Variants in RHOJ observed in about 807,000 individuals in gnomAD.
RHOJ encodes ras homolog family member J, also known as rho-related GTP-binding protein RhoJ.
A neutral mutation model predicts 23.4 loss-of-function variants in RHOJ; 11 were observed. The ratio of observed to expected loss-of-function variants is 0.47; its 90% CI spans 0.30 to 0.78. The LOEUF is 0.78. Ranked by LOEUF, RHOJ falls within the 30% of genes least tolerant of loss-of-function variation. The pLI is 0.08. For synonymous variants in RHOJ, 102 were observed against 102.7 expected, an observed-to-expected ratio of 0.99 and a Z score of 0.04; for missense variants, 254 against 273.4, an observed-to-expected ratio of 0.93 and a Z score of 0.50.
chr14:63,233,355 TATG>T (rs1182159992), intron 1 of RHOJ, among the ~76,000 whole-genome samples: 2 of 152,162 alleles, frequency 1.3e-5, no homozygotes, highest in Non-Finnish European at 2.9e-5. Context: ...TGAAATGTAT[TATG>T]GTGGTGGTTG....
At chr14:63,261,908 G>A (rs1008017624) in intron 1 of RHOJ, among the ~76,000 whole-genome samples, 7 of 151,956 alleles carry the variant, frequency 4.6e-5, no homozygotes, top group South Asian at 2.1e-4. Context: ...TATATTTCTC[G>A]CTATATCCAG....
At chr14:63,256,727 C>G (rs926420502) in intron 1 of RHOJ, among the ~76,000 whole-genome samples, 1 of 152,122 alleles carries the variant, frequency 6.6e-6, no homozygotes, top group African/African-American at 2.4e-5. Context: ...ATCACGAGGT[C>G]GGGAGTTTAA....
chr14:63,278,269 T>C (rs1881795909), intron 2 of RHOJ, among the ~76,000 whole-genome samples: 1 of 152,170 alleles, frequency 6.6e-6, no homozygotes, highest in African/African-American at 2.4e-5. Flanking sequence ...TGGCCACATA[T>C]ACTGAGTCCC....
At chr14:63,205,998 T>C (rs1420293180) in intron 1 of RHOJ, among the ~76,000 whole-genome samples, 2 of 152,234 alleles carry the variant, frequency 1.3e-5, no homozygotes, top group African/African-American at 2.4e-5. Context: ...ATCTGAGACC[T>C]TGTGAATGGA....
intron 1 of RHOJ, among the ~76,000 whole-genome samples, chr14:63,223,320 C>A (rs114846596): frequency 1.4e-3 from 207 of 152,320 alleles, no homozygotes; most frequent in African/African-American, 4.5e-3. Flanking sequence ...CCACCCTTGA[C>A]AGATGACTCT....
At chr14:63,271,736 A>G (rs1895474037) in intron 2 of RHOJ, among the ~76,000 whole-genome samples, 1 of 152,224 alleles carries the variant, frequency 6.6e-6, no homozygotes, top group Admixed American at 6.5e-5. Context: ...CTGGGATTAC[A>G]GGCACCTGCC....
At chr14:63,234,250 G>A (rs1230723158) in intron 1 of RHOJ, among the ~76,000 whole-genome samples, 2 of 152,116 alleles carry the variant, frequency 1.3e-5, no homozygotes, top group East Asian at 3.9e-4. Context: ...GCATACAGTG[G>A]GTCAAGCATA....
At chr14:63,270,379 C>A (rs1895446438) in intron 2 of RHOJ, among the ~76,000 whole-genome samples, 1 of 152,136 alleles carries the variant, frequency 6.6e-6, no homozygotes, top group South Asian at 2.1e-4. Flanking sequence ...AGACTCAAAG[C>A]TTCTAAGAGC....
chr14:63,282,299 CA>C (rs1881935958), intron 3 of RHOJ, among the ~76,000 whole-genome samples: 1 of 149,052 alleles, frequency 6.7e-6, no homozygotes, highest in Non-Finnish European at 1.5e-5. Context: ...CACACACACA[CA>C]CACACACACA....
At chr14:63,284,543 C>A (rs1190003081) in intron 4 of RHOJ, among the ~76,000 whole-genome samples, 1 of 152,208 alleles carries the variant, frequency 6.6e-6, no homozygotes, top group Non-Finnish European at 1.5e-5. Flanking sequence ...TGGACATCAC[C>A]ACTCGTGTAC....
intron 2 of RHOJ, among the ~76,000 whole-genome samples, chr14:63,275,935 A>C (rs1470056343): frequency 6.6e-6 from 1 of 152,060 alleles, no homozygotes; most frequent in Non-Finnish European, 1.5e-5. Context: ...ACTTTCTTTT[A>C]TTAATCCTGA....
intron 1 of RHOJ, among the ~76,000 whole-genome samples, chr14:63,265,683 C>A (rs1401788249): frequency 1.3e-5 from 2 of 152,162 alleles, no homozygotes; most frequent in Non-Finnish European, 2.9e-5. Context: ...GAACATGTCC[C>A]CAAGATGGTT....
rs552823756 is a variant in RHOJ at position 63,211,441 on chromosome 14, G to C, written c.178+6394G>C. Among the ~76,000 whole-genome samples, 19 of 152,070 alleles carry C rather than the reference G, an allele frequency of 1.2e-4. No individual in the cohort carries two copies. In the East Asian group the frequency reaches 1.5e-3, roughly 12 times the overall value. On this transcript the variant is annotated intron_variant, in intron 1 of 4. Coordinates refer to ENST00000316754, the MANE Select transcript of RHOJ (RefSeq NM_020663.5). ...GATCATGCGACTGCACTCCAACCTG[G>C]GCAACAGAGCAAGACTTCATCTCTA...
At chr14:63,239,446 A>T (rs1894847224) in intron 1 of RHOJ, among the ~76,000 whole-genome samples, 1 of 152,212 alleles carries the variant, frequency 6.6e-6, no homozygotes, top group South Asian at 2.1e-4. Flanking sequence ...TGAAATGAGC[A>T]TTCAGACAAC....
At chr14:63,287,857 G>C (rs1882129663) in intron 4 of RHOJ, among the ~76,000 whole-genome samples, 1 of 151,874 alleles carries the variant, frequency 6.6e-6, no homozygotes, top group South Asian at 2.1e-4. Context: ...GACTGTGTAG[G>C]TCATTTTGCT....
intron 1 of RHOJ, among the ~76,000 whole-genome samples, chr14:63,218,214 C>T (rs941159820): frequency 6.6e-6 from 1 of 152,134 alleles, no homozygotes; most frequent in Non-Finnish European, 1.5e-5. Flanking sequence ...GTTCAAGAGA[C>T]CACATGGCAC....
intron 2 of RHOJ, among the ~76,000 whole-genome samples, chr14:63,278,735 C>T (rs1340893544): frequency 6.6e-6 from 1 of 152,076 alleles, no homozygotes; most frequent in African/African-American, 2.4e-5. Flanking sequence ...ATCATCCTAG[C>T]ACTTTGGCGG....
intron 2 of RHOJ, among the ~76,000 whole-genome samples, chr14:63,271,953 C>T (rs1008422606): frequency 6.6e-6 from 1 of 152,226 alleles, no homozygotes; most frequent in Non-Finnish European, 1.5e-5. Context: ...ACTTTGAGAG[C>T]CACTCAAAGT....
intron 1 of RHOJ, among the ~76,000 whole-genome samples, chr14:63,259,093 C>T (rs2139647514): frequency 6.6e-6 from 1 of 152,316 alleles, no homozygotes. Flanking sequence ...GTGCGTGCCA[C>T]CACGCCTGGC....
Sources: allele counts gnomAD v4.1 joint callset (sites outside exome capture counted in the v4.1 genomes callset), GRCh38; gene constraint gnomAD v4.1.1; transcripts MANE v1.5; gene names NCBI Gene and HGNC (gene_info 2026-07-23, HGNC 2026-07-21).